The following GBX1 variants were observed in gnomAD, a reference collection of about 807,000 sequenced individuals.
GBX1 encodes the protein homeobox protein GBX-1.
Under a neutral mutation model 22.9 loss-of-function variants are expected in GBX1, and 9 were observed. That is an observed-to-expected ratio of 0.39 (90% CI 0.24 to 0.69). The LOEUF is 0.69. GBX1 is among the 30% of genes least tolerant of loss of function. The pLI is 0.43. For synonymous variants in GBX1, 203 were observed against 227.3 expected (o/e 0.89, Z 0.96); for missense variants, 494 against 509.2 (o/e 0.97, Z 0.29).
chr7:151,164,972 TAC>T (rs530467945), intron 1 of GBX1, among the ~76,000 whole-genome samples: 26 of 150,600 alleles, frequency 1.7e-4, no homozygotes, highest in South Asian at 1.3e-3. Context: ...ACAGAACTCT[TAC>T]ACACACACAC....
chr7:151,155,257 G>A (rs115914474), intron 1 of GBX1, among the ~76,000 whole-genome samples: 1 of 152,136 alleles, frequency 6.6e-6, no homozygotes, highest in Non-Finnish European at 1.5e-5. Context: ...TCATCTCCCT[G>A]AATCCAGTTC....
In GBX1 at chr7:151,167,433, C is replaced by T; in HGVS notation, c.116G>A (p.Gly39Asp). 5.9e-6 allele frequency: 9 copies of T among 1,514,052 alleles called. No homozygotes were observed. The highest frequency in any genetic ancestry group is 1.5e-5 in the African/African-American group (1 of 68,442). The allele number at this position is 1,514,052 out of a possible 1,614,324, so 93.8% of individuals were successfully genotyped here. ...GGGGTAGCCGGTGTACAGCAAGTGGCCGGAGCGCGGCGGCGGCGGCCCGAT... is the reference window on the plus strand; with the variant it reads ...GGGGTAGCCGGTGTACAGCAAGTGGTCGGAGCGCGGCGGCGGCGGCCCGAT... The part of the protein sequence containing the change: ...SLIGPPPPRS[G>D]HLLYTGYPMF... Residue 39 changes from glycine (G) to aspartate (D), a missense_variant, in exon 1 of 2, where the codon GGC becomes GAC. Gly to Asp is a moderately conservative substitution (Grantham distance 94). Around this residue, in one of 3 missense-constraint regions of GBX1, gnomAD observed 365 missense variants for 340.4 expected, o/e 1.07. Coordinates refer to ENST00000297537, the MANE Select transcript of GBX1 (RefSeq NM_001098834.3). The surrounding 1 kb of genome is among the most constrained non-coding windows in gnomAD (Gnocchi z 5.9).
intron 1 of GBX1, among the ~76,000 whole-genome samples, chr7:151,165,092 C>G (rs962717677): frequency 6.6e-6 from 1 of 151,960 alleles, no homozygotes; most frequent in Admixed American, 6.6e-5. Context: ...AGCAGAGAAC[C>G]CTCTCCTTCT....
At chr7:151,154,207 GA>G (rs998061705) in intron 1 of GBX1, among the ~76,000 whole-genome samples, 7 of 147,462 alleles carry the variant, frequency 4.7e-5, no homozygotes, top group African/African-American at 7.5e-5. Flanking sequence ...TCTCTGTCTC[GA>G]AAAAAAAAAG....
At chr7:151,166,487 A>AACACAC (rs767762750) in intron 1 of GBX1, among the ~76,000 whole-genome samples, 2 of 55,860 alleles carry the variant, frequency 3.6e-5, no homozygotes, top group African/African-American at 1.3e-4. Context: ...CCCCCCCCCC[A>AACACAC]ACACACACAC....
chr7:151,164,132 T>C (rs1304382285), intron 1 of GBX1, among the ~76,000 whole-genome samples: 2 of 152,244 alleles, frequency 1.3e-5, no homozygotes, highest in African/African-American at 4.8e-5. Context: ...TTAAACGGGT[T>C]AGCAGTTGTA....
intron 1 of GBX1, among the ~76,000 whole-genome samples, chr7:151,151,182 G>A (rs1014566827): frequency 2.6e-5 from 4 of 152,246 alleles, no homozygotes; most frequent in Middle Eastern, 6.8e-3. Flanking sequence ...AGTCCATGCG[G>A]CATGCCCCAG....
intron 1 of GBX1, among the ~76,000 whole-genome samples, chr7:151,157,935 G>T (rs1340666827): frequency 3.3e-5 from 5 of 152,174 alleles, no homozygotes; most frequent in Non-Finnish European, 7.3e-5. Flanking sequence ...GCATGTGCTT[G>T]TGCCTTCTCT....
rs1224116727 is a variant in GBX1 at position 151,159,083 on chromosome 7, GA to G, written c.538+7927del. ...AACATTTAATGTAAAAAAAGTGTCT[GA>G]ATTTTTTTTTTTTTTTTTGAGACAG... On this transcript the variant is annotated intron_variant, in intron 1 of 1. Coordinates refer to ENST00000297537, the MANE Select transcript of GBX1 (RefSeq NM_001098834.3). Among the ~76,000 whole-genome samples, 1,148 of 133,274 alleles carry G rather than the reference GA, an allele frequency of 8.6e-3. 10 individuals are homozygous for G. The highest frequency in any genetic ancestry group is 0.036 in the African/African-American group (1,109 of 31,208). 87.4% of individuals were successfully genotyped at this position (133,274 alleles called of 152,430 possible).
In GBX1 at chr7:151,148,540, G is replaced by A. The variant is rs1257508474; in HGVS notation, c.*49C>T. ...TCCACAGAACCCTGACAGTCTCAGA[G>A]CAGGCTCAGGTACAGATCCCTCGCC... On this transcript the variant is annotated 3_prime_UTR_variant, in exon 2 of 2. Transcript: ENST00000297537. This position sits in a 1 kb window ranked among gnomAD's most constrained non-coding sequence, Gnocchi z 5.1. The A allele has an allele frequency of 1.3e-6, 2 of 1,538,660 alleles. No individual in the cohort carries two copies. Among genetic ancestry groups the A allele is most frequent in the East Asian group, 2.3e-5 (1 of 44,324 alleles).
intron 1 of GBX1, 145 bp downstream of exon 1, chr7:151,166,866 G>C: frequency 1.3e-6 from 1 of 754,052 alleles, no homozygotes; most frequent in Non-Finnish European, 2.2e-6. Flanking sequence ...GAACTGAATT[G>C]GAGTCAGAAC....
rs1801276666 is a variant in GBX1 at position 151,167,656 on chromosome 7, G to A, written c.-108C>T. The A allele has an allele frequency of 9.0e-7, 1 of 1,111,726 alleles. No homozygotes were observed. The highest frequency in any genetic ancestry group is 1.7e-5 in the African/African-American group (1 of 60,462). The allele number at this position is 1,111,726 out of a possible 1,614,324, so 68.9% of individuals were successfully genotyped here. On this transcript the variant is annotated 5_prime_UTR_variant, in exon 1 of 2. Coordinates refer to ENST00000297537, the MANE Select transcript of GBX1 (RefSeq NM_001098834.3). The surrounding 1 kb of genome is among the most constrained non-coding windows in gnomAD (Gnocchi z 5.9). ...ACGCAGGGCTCGCTCCCTGGCTCCC[G>A]GGCCGAGGTGGCGGCGGGGCGCGGG... is the stretch of plus-strand genomic sequence containing the variant.
intron 1 of GBX1, among the ~76,000 whole-genome samples, chr7:151,156,022 C>T (rs1189836082): frequency 6.6e-6 from 1 of 152,142 alleles, no homozygotes; most frequent in Non-Finnish European, 1.5e-5. Flanking sequence ...TCCTCTCCCA[C>T]TTGTAAAAGC....
At chr7:151,166,663 A>G (rs1269918523) in intron 1 of GBX1, among the ~76,000 whole-genome samples, 1 of 151,954 alleles carries the variant, frequency 6.6e-6, no homozygotes, top group Non-Finnish European at 1.5e-5. Context: ...CCATCCTTGT[A>G]GCTTGTCTAC....
Position 151,157,235 on chromosome 7 carries a change from G to A in GBX1, c.539-8093C>T, listed in dbSNP as rs537814145. 1.3e-3 allele frequency among the ~76,000 whole-genome samples: 197 copies of A among 152,230 alleles called. 1 individual carries two copies. Among genetic ancestry groups the A allele is most frequent in the African/African-American group, 4.6e-3 (191 of 41,544 alleles). ...TGCTTGAACCCGGGAGGCGGAGGTT[G>A]CAGGGAGCCAAGATCGCGCCACTGC... On this transcript the variant is annotated intron_variant, in intron 1 of 1. Coordinates refer to ENST00000297537, the MANE Select transcript of GBX1 (RefSeq NM_001098834.3).
chr7:151,165,002 TACAC>T (rs376853331), intron 1 of GBX1, among the ~76,000 whole-genome samples: 2 of 150,998 alleles, frequency 1.3e-5, no homozygotes, highest in South Asian at 2.1e-4. Flanking sequence ...CACACACACA[TACAC>T]ACACACACTC....
intron 1 of GBX1, among the ~76,000 whole-genome samples, chr7:151,162,241 CTT>C (rs948405486): frequency 6.6e-6 from 1 of 152,208 alleles, no homozygotes; most frequent in Non-Finnish European, 1.5e-5. Flanking sequence ...AAATCTCCCT[CTT>C]GTTTCTAACA....
chr7:151,162,094 C>T (rs1801193352), intron 1 of GBX1, among the ~76,000 whole-genome samples: 1 of 152,160 alleles, frequency 6.6e-6, no homozygotes, highest in Admixed American at 6.5e-5. Context: ...TGTCACAACT[C>T]CTAAACAAAT....
At chr7:151,165,096 T>TCC (rs1801234921) in intron 1 of GBX1, among the ~76,000 whole-genome samples, 2 of 152,144 alleles carry the variant, frequency 1.3e-5, no homozygotes, top group African/African-American at 4.8e-5. Flanking sequence ...GAGAACCCTC[T>TCC]CCTTCTTCAT....
Sources: gnomAD v4.1 joint callset for allele counts (sites outside exome capture counted in the v4.1 genomes callset) on GRCh38, gnomAD v4.1.1 for gene constraint, gnomAD v4.1.1 regional missense constraint, Gnocchi (gnomAD v3.1) non-coding constraint, MANE v1.5 for transcripts, NCBI Gene and HGNC (gene_info 2026-07-23, HGNC 2026-07-21) for gene names.